DTD2: variants seen among roughly 807,000 people sequenced by gnomAD.
DTD2 encodes D-tyrosyl-tRNA deacylase 2 (putative).
A neutral mutation model predicts 15.5 loss-of-function variants in DTD2; 12 were observed. The ratio of observed to expected loss-of-function variants is 0.77; its 90% CI spans 0.50 to 1.25. The LOEUF (loss-of-function observed/expected upper bound fraction) is 1.25, where lower values mean the gene tolerates loss of function less well. Among genes scored for constraint, DTD2 ranks in the 50% most tolerant of loss-of-function variants. The probability of loss-of-function intolerance (pLI) is 0.00; values close to 1 mark genes in which losing one functional copy is unlikely to be tolerated. For synonymous variants in DTD2, 59 were observed against 77.3 expected (o/e 0.76, Z 1.24); for missense variants, 170 against 201.1 (o/e 0.85, Z 0.93).
chr14:31,451,255 C>T (rs1269297759), intron 2 of DTD2, among the ~76,000 whole-genome samples: 3 of 150,234 alleles, frequency 2.0e-5, no homozygotes, highest in African/African-American at 7.4e-5. Flanking sequence ...TCATGCCATT[C>T]TCCTGCCTCA....
At chr14:31,455,532 CAG>C (rs2032085127) in intron 1 of DTD2, among the ~76,000 whole-genome samples, 1 of 103,594 alleles carries the variant, frequency 9.7e-6, no homozygotes, top group Non-Finnish European at 1.8e-5. Context: ...GCCTGGGTGA[CAG>C]AGTGAGACTC....
intron 2 of DTD2, among the ~76,000 whole-genome samples, chr14:31,451,842 T>C (rs989060875): frequency 6.6e-6 from 1 of 152,204 alleles, no homozygotes; most frequent in East Asian, 1.9e-4. Flanking sequence ...ACCTTAAGGA[T>C]AGCTTTTCTT....
Position 31,448,168 on chromosome 14 carries a change from C to T in DTD2, c.468G>A (p.Leu156=). ...AGTGTGTGAATGGTCCGTTGGTGTC[C>T]AGCTTTAACACCTGCCTGTTCCCAT... ...GTYGNRQVLK[L]DTNGPFTHLI... Residue 156 remains leucine, a synonymous_variant, in exon 3 of 3, where the codon CTG becomes CTA. Coordinates refer to ENST00000310850, the MANE Select transcript of DTD2 (RefSeq NM_080664.3). The T allele has an allele frequency of 6.2e-7, 1 of 1,613,562 alleles. No homozygotes were observed. Among genetic ancestry groups the T allele is most frequent in the Non-Finnish European group, 8.5e-7 (1 of 1,179,760 alleles).
chr14:31,454,838 C>T (rs1224149220), intron 1 of DTD2, among the ~76,000 whole-genome samples: 1 of 151,990 alleles, frequency 6.6e-6, no homozygotes, highest in Non-Finnish European at 1.5e-5. Context: ...AGTTCACTTA[C>T]CAGGAACAAA....
chr14:31,448,684 T>G (rs1712543918), intron 2 of DTD2, among the ~76,000 whole-genome samples: 1 of 152,198 alleles, frequency 6.6e-6, no homozygotes, highest in African/African-American at 2.4e-5. Flanking sequence ...AAATCTGAAT[T>G]GGCAGTTAAG....
intron 2 of DTD2, among the ~76,000 whole-genome samples, chr14:31,450,743 A>G (rs1470131433): frequency 6.6e-6 from 1 of 152,226 alleles, no homozygotes; most frequent in African/African-American, 2.4e-5. Flanking sequence ...CATGTGTTAG[A>G]TAGTGTCAGA....
At chr14:31,453,606 T>C (rs546972642) in intron 1 of DTD2, among the ~76,000 whole-genome samples, 2 of 152,370 alleles carry the variant, frequency 1.3e-5, no homozygotes, top group Admixed American at 6.5e-5. Flanking sequence ...TTATTTCTAA[T>C]CAAAATCATT....
At chr14:31,453,033 C>G (rs2139362746) in intron 2 of DTD2, 1 of 344,000 alleles carries the variant, frequency 2.9e-6, no homozygotes, top group Non-Finnish European at 5.4e-6. Context: ...GACCTCCTGG[C>G]CTCAAGTAAT....
chr14:31,457,358 C>A lies in DTD2; in HGVS notation c.36G>T (p.Ala12=), dbSNP rs756161985. 8.8e-6 allele frequency: 14 copies of A among 1,584,036 alleles called. No individual in the cohort carries two copies. The highest frequency in any genetic ancestry group is 8.6e-6 in the Non-Finnish European group (10 of 1,166,770). ...GGGCGTGCAGGCACTGCTGTAGGAG[C>A]GCCCGGGCCTGAGGAATCCGGCTAC... ...AEGSRIPQAR[A]LLQQCLHARL... is the part of the protein sequence containing the mutation. Residue 12 remains alanine, a synonymous_variant, in exon 1 of 3, where the codon GCG becomes GCT. Coordinates refer to ENST00000310850, the MANE Select transcript of DTD2 (RefSeq NM_080664.3).
chr14:31,456,284 G>T (rs1235306482), intron 1 of DTD2, among the ~76,000 whole-genome samples: 1 of 152,176 alleles, frequency 6.6e-6, no homozygotes, highest in East Asian at 1.9e-4. Context: ...TACTCGGGAG[G>T]CTGAGGAAGG....
At chr14:31,457,151 A>G in intron 1 of DTD2, 132 bp downstream of exon 1, 1 of 849,814 alleles carries the variant, frequency 1.2e-6, no homozygotes, top group South Asian at 1.6e-5. Flanking sequence ...GCCAGCTTCA[A>G]GCTGACCCGG....
At chr14:31,453,371 A>G (rs1316866405) in intron 1 of DTD2, 27 bp from the exon 2 acceptor site, 3 of 1,598,180 alleles carry the variant, frequency 1.9e-6, no homozygotes, top group East Asian at 2.2e-5. Flanking sequence ...CAGTAAACTC[A>G]GATTACAACA....
intron 1 of DTD2, among the ~76,000 whole-genome samples, chr14:31,455,824 C>T (rs924918410): frequency 6.6e-6 from 1 of 151,808 alleles, no homozygotes; most frequent in Non-Finnish European, 1.5e-5. Context: ...TCAAGTGATC[C>T]GCCGGCCTTG....
rs531926720 is a variant in DTD2, at chr14:31,457,432, A to G, written c.-39T>C. ...GCCGCGGCCGGACAGTTACTAGGCC[A>G]TGTGTCGCTGGCCCCTCCCTCGACG... is the stretch of plus-strand genomic sequence containing the variant. On this transcript the variant is annotated 5_prime_UTR_variant, in exon 1 of 3. An upstream start codon of the reference 5' UTR is lost. Transcript: ENST00000310850. 4.1e-5 allele frequency: 57 copies of G among 1,396,094 alleles called. No homozygotes were observed. The highest frequency in any genetic ancestry group is 6.0e-5 in the South Asian group (4 of 66,908). The allele number at this position is 1,396,094 out of a possible 1,614,324, so 86.5% of individuals were successfully genotyped here.
At position 31,453,242 on chromosome 14, in the gene DTD2, A is replaced by G. The variant is rs200712602; in HGVS notation, c.181+33T>C. The G allele has an allele frequency of 2.6e-5, 42 of 1,606,200 alleles. No individual in the cohort carries two copies. In the East Asian group the frequency reaches 9.1e-4, roughly 35 times the overall value. The stretch of plus-strand genomic sequence containing the variant: ...GTGTGAGCACCATGCTTGGCCTCTC[A>G]CTCTTAAAAAAGAAACAAAGTCAAA... On this transcript the variant is annotated intron_variant, in intron 2 of 2. Transcript: ENST00000310850.
At chr14:31,455,884 T>C (rs4981101) in intron 1 of DTD2, among the ~76,000 whole-genome samples, 68,352 of 151,736 alleles carry the variant, frequency 0.45, 15,670 homozygotes, top group Non-Finnish European at 0.52. Context: ...ATTCTTTAGA[T>C]AGGATGGCAA....
intron 1 of DTD2, among the ~76,000 whole-genome samples, chr14:31,454,311 G>A (rs183262639): frequency 4.1e-4 from 63 of 152,190 alleles, no homozygotes; most frequent in Middle Eastern, 3.4e-3. Context: ...TACACGATAG[G>A]GATTCAGTTT....
rs771179296 is a variant in DTD2 at position 31,448,259 on chromosome 14, CAT to C, written c.375_376del (p.Cys126Ter). 1.4e-5 allele frequency: 23 copies of C among 1,614,184 alleles called. No individual in the cohort carries two copies. The East Asian group carries it at 1.6e-4, about 11-fold the overall frequency. ...GCTATTAGCAGCTACTTCTTTTTCA[CAT>C]AGAGTCACAAATTGAGAGTAAAGTT... On this transcript the variant is annotated frameshift_variant, in exon 3 of 3. Coordinates refer to ENST00000310850, the MANE Select transcript of DTD2 (RefSeq NM_080664.3). LOFTEE classifies it high-confidence loss of function.
chr14:31,457,128 G>GC (rs1179649627), intron 1 of DTD2, 155 bp downstream of exon 1: 2 of 659,834 alleles, frequency 3.0e-6, no homozygotes, highest in Non-Finnish European at 5.2e-6. Flanking sequence ...GCGCAGCCAG[G>GC]CAGGCCACCG....
Sources: gnomAD v4.1 joint callset for allele counts (sites outside exome capture counted in the v4.1 genomes callset) on GRCh38, gnomAD v4.1.1 for gene constraint, MANE v1.5 for transcripts, NCBI Gene and HGNC (gene_info 2026-07-23, HGNC 2026-07-21) for gene names.